NFATC2: variants seen among roughly 807,000 people sequenced by gnomAD.
NFATC2 encodes the protein nuclear factor of activated T cells 2.
Under a neutral mutation model 87.3 loss-of-function variants are expected in NFATC2, and 22 were observed. That is an observed-to-expected ratio of 0.25 (90% CI 0.18 to 0.36). The LOEUF is 0.36. Ranked by LOEUF, NFATC2 falls within the 10% of genes least tolerant of loss-of-function variation. The pLI is 1.00. For missense variants in NFATC2, 1,149 were observed against 1,259.1 expected (o/e 0.91, Z 1.32); for synonymous variants, 565 against 542.2 (o/e 1.04, Z -0.58).
In NFATC2 at chr20:51,462,433, G is replaced by A. The variant is rs140511571; in HGVS notation, c.1709-7745C>T. Reference sequence around the variant, plus strand: ...TGCACTCCAGCCTGGATGACAGAGCGAGACTCTGTCTCAAAAAACTAAAAA... The same window carrying A: ...TGCACTCCAGCCTGGATGACAGAGCAAGACTCTGTCTCAAAAAACTAAAAA... On this transcript the variant is annotated intron_variant, in intron 5 of 10. Transcript: ENST00000371564. Among the ~76,000 whole-genome samples, 679 of 152,260 alleles carry A rather than the reference G, an allele frequency of 4.5e-3. 3 individuals are homozygous for A. The highest frequency in any genetic ancestry group is 0.018 in the South Asian group (88 of 4,822).
At chr20:51,495,555 A>G (rs1244906357) in intron 3 of NFATC2, among the ~76,000 whole-genome samples, 1 of 152,226 alleles carries the variant, frequency 6.6e-6, no homozygotes, top group Admixed American at 6.5e-5. Context: ...TCTCTGGGGA[A>G]CTGTCTTATC....
intron 3 of NFATC2, among the ~76,000 whole-genome samples, chr20:51,510,833 C>T (rs1238930962): frequency 1.3e-5 from 2 of 152,170 alleles, no homozygotes; most frequent in African/African-American, 2.4e-5. Flanking sequence ...CGGCTGTTAA[C>T]AGGGTTCGTT....
At chr20:51,550,180 T>C (rs144861070) in intron 1 of NFATC2, among the ~76,000 whole-genome samples, 1 of 151,828 alleles carries the variant, frequency 6.6e-6, no homozygotes, top group African/African-American at 2.4e-5. Flanking sequence ...CCTGTCTCTA[T>C]GAAAAATAAA....
chr20:51,494,447 C>T (rs868609681), intron 3 of NFATC2, among the ~76,000 whole-genome samples: 17 of 152,118 alleles, frequency 1.1e-4, no homozygotes, highest in African/African-American at 3.6e-4. Flanking sequence ...CCTCACACTT[C>T]GCTCTTGAGG....
At chr20:51,492,769 C>T (rs1044207931) in intron 3 of NFATC2, among the ~76,000 whole-genome samples, 4 of 152,242 alleles carry the variant, frequency 2.6e-5, no homozygotes, top group Admixed American at 6.5e-5. Flanking sequence ...GGAGGAAGCT[C>T]GGCCTGTCAA....
chr20:51,510,812 C>T (rs2076261230), intron 3 of NFATC2, among the ~76,000 whole-genome samples: 1 of 152,132 alleles, frequency 6.6e-6, no homozygotes, highest in Non-Finnish European at 1.5e-5. Context: ...ATAAGAGAAA[C>T]TACCTCGATC....
chr20:51,513,569 T>G lies in NFATC2; in HGVS notation c.1332+3215A>C, dbSNP rs560052508. Among the ~76,000 whole-genome samples, 11 of 152,308 alleles carry G rather than the reference T, an allele frequency of 7.2e-5. No individual in the cohort carries two copies. The South Asian group carries it at 2.3e-3, about 32-fold the overall frequency. ...AGCTATCAGAGGGAGAAGCACAAAC[T>G]TCAGGGACAGCCTAGCAGGTGTCTC... On this transcript the variant is annotated intron_variant, in intron 3 of 10. Coordinates refer to ENST00000371564, the MANE Select transcript of NFATC2 (RefSeq NM_012340.5).
intron 9 of NFATC2, among the ~76,000 whole-genome samples, chr20:51,401,546 T>C (rs1988046281): frequency 6.6e-6 from 1 of 152,092 alleles, no homozygotes; most frequent in Non-Finnish European, 1.5e-5. Flanking sequence ...TGGTCAGTTG[T>C]CAGTAATATG....
At position 51,391,429 on chromosome 20, in the gene NFATC2, C is replaced by T; in HGVS notation, c.*67G>A. ...GATTTCTGGCAGGAGGTCCTGAAAA[C>T]TCCTTCCTGATAATTTCATTAACTA... On this transcript the variant is annotated 3_prime_UTR_variant, in exon 11 of 11. Transcript: ENST00000371564. 6.6e-7 allele frequency: 1 copy of T among 1,526,060 alleles called. No homozygotes were observed. 94.5% of individuals were successfully genotyped at this position (1,526,060 alleles called of 1,614,324 possible).
intron 3 of NFATC2, among the ~76,000 whole-genome samples, chr20:51,506,952 T>C (rs958377261): frequency 4.6e-5 from 7 of 152,140 alleles, no homozygotes; most frequent in African/African-American, 1.7e-4. Context: ...AGGACTCAGG[T>C]CACATGGCCA....
chr20:51,420,588 C>G (rs779641833), intron 9 of NFATC2, among the ~76,000 whole-genome samples: 3 of 152,050 alleles, frequency 2.0e-5, no homozygotes, highest in Non-Finnish European at 2.9e-5. Flanking sequence ...ATTATTTAAT[C>G]TAGAGGAAGA....
intron 3 of NFATC2, among the ~76,000 whole-genome samples, chr20:51,479,098 T>C (rs1989004655): frequency 6.6e-6 from 1 of 151,750 alleles, no homozygotes; most frequent in Admixed American, 6.6e-5. Context: ...AATTGACAAA[T>C]GCTATAGATC....
intron 1 of NFATC2, among the ~76,000 whole-genome samples, chr20:51,534,554 C>T (rs2076688727): frequency 1.3e-5 from 2 of 152,138 alleles, no homozygotes; most frequent in South Asian, 2.1e-4. Context: ...AGGCTGGTCT[C>T]GAACTCCTGA....
chr20:51,466,035 T>C (rs1053836272), intron 5 of NFATC2, among the ~76,000 whole-genome samples: 1 of 152,114 alleles, frequency 6.6e-6, no homozygotes, highest in African/African-American at 2.4e-5. Context: ...ACAGTCAACA[T>C]GCCATTCAGG....
intron 5 of NFATC2, among the ~76,000 whole-genome samples, chr20:51,466,964 C>T (rs1276315069): frequency 6.7e-6 from 1 of 149,566 alleles, no homozygotes; most frequent in Non-Finnish European, 1.5e-5. Flanking sequence ...CCCAGCTACT[C>T]GGGAGGCTGA....
chr20:51,557,304 C>A (rs1004108904), intron 1 of NFATC2, among the ~76,000 whole-genome samples: 1 of 152,084 alleles, frequency 6.6e-6, no homozygotes, highest in African/African-American at 2.4e-5. Flanking sequence ...AGTCAGGGAG[C>A]AACAGGGGTG....
chr20:51,550,167 G>A (rs2076920947), intron 1 of NFATC2, among the ~76,000 whole-genome samples: 1 of 152,076 alleles, frequency 6.6e-6, no homozygotes, highest in Admixed American at 6.6e-5. Flanking sequence ...AACATAGTAA[G>A]ATCCTGTCTC....
In NFATC2 at chr20:51,446,842, G is replaced by A. The variant is rs139265401; in HGVS notation, c.1849+7706C>T. Among the ~76,000 whole-genome samples, 11 of 152,314 alleles carry A rather than the reference G, an allele frequency of 7.2e-5. No individual in the cohort carries two copies. The East Asian group carries it at 1.4e-3, about 19-fold the overall frequency. On this transcript the variant is annotated intron_variant, in intron 6 of 10. Coordinates refer to ENST00000371564, the MANE Select transcript of NFATC2 (RefSeq NM_012340.5). ...CAGCCCGGGGGGCCACTGACACCAG[G>A]GACATGAGTCACAGAGGGCAAAGGT... is the stretch of plus-strand genomic sequence containing the variant.
chr20:51,399,481 T>A (rs1288927315), intron 9 of NFATC2, among the ~76,000 whole-genome samples: 4 of 151,882 alleles, frequency 2.6e-5, no homozygotes, highest in African/African-American at 9.7e-5. Flanking sequence ...TTATTAGAAA[T>A]GTCAAGTAAA....
Sources: gnomAD v4.1 joint callset for allele counts (sites outside exome capture counted in the v4.1 genomes callset) on GRCh38, gnomAD v4.1.1 for gene constraint, MANE v1.5 for transcripts, NCBI Gene and HGNC (gene_info 2026-07-23, HGNC 2026-07-21) for gene names.